The following TTC7B variants were observed in gnomAD, a reference collection of about 807,000 sequenced individuals.
The protein encoded by TTC7B is tetratricopeptide repeat domain 7B, also known as tetratricopeptide repeat protein 7B.
Under a neutral mutation model 106.8 loss-of-function variants are expected in TTC7B, and 28 were observed. That is an observed-to-expected ratio of 0.26 (90% CI 0.19 to 0.36). TTC7B has a LOEUF of 0.36. TTC7B is among the 10% of genes least tolerant of loss of function. TTC7B has a pLI of 1.00. For missense variants in TTC7B, 862 were observed against 1,076.4 expected (o/e 0.80, Z 2.79); for synonymous variants, 405 against 430.6 (o/e 0.94, Z 0.74).
Position 90,644,087 on chromosome 14 carries a change from A to C in TTC7B, c.1712T>G (p.Ile571Ser), listed in dbSNP as rs757729872. Reference sequence around the variant, plus strand: ...GTATTCACTCAGGGCCATGTCGATGATGTTCAGAGCGTCATGGTAATGCTT... The same window carrying C: ...GTATTCACTCAGGGCCATGTCGATGCTGTTCAGAGCGTCATGGTAATGCTT... ...AQKHYHDALN[I>S]IDMALSEYPE... Residue 571 changes from isoleucine (I) to serine (S), a missense_variant, in exon 15 of 20, where the codon ATC (isoleucine) becomes AGC (serine). Coordinates refer to ENST00000328459, the MANE Select transcript of TTC7B (RefSeq NM_001010854.2). 6.2e-7 allele frequency: 1 copy of C among 1,614,102 alleles called. No individual in the cohort carries two copies. Among genetic ancestry groups the C allele is most frequent in the Non-Finnish European group, 8.5e-7 (1 of 1,180,022 alleles).
At chr14:90,555,197 T>A (rs967920946) in intron 19 of TTC7B, among the ~76,000 whole-genome samples, 3 of 152,136 alleles carry the variant, frequency 2.0e-5, no homozygotes, top group Admixed American at 1.3e-4. Context: ...TCCCTGATGG[T>A]CAGCTGACCC....
In TTC7B at chr14:90,807,677, C is replaced by A. The variant is rs944956070; in HGVS notation, c.121+8498G>T. The stretch of plus-strand genomic sequence containing the variant: ...CATTGTGGTTCAGAGCAAAGGCTCC[C>A]ACACTTGCCTACTCAAACTAACTGA... On this transcript the variant is annotated intron_variant, in intron 1 of 19. Coordinates refer to ENST00000328459, the MANE Select transcript of TTC7B (RefSeq NM_001010854.2). This position sits in a 1 kb window ranked among gnomAD's most constrained non-coding sequence, Gnocchi z 4.1. Among the ~76,000 whole-genome samples, 5 of 152,228 alleles carry A rather than the reference C, an allele frequency of 3.3e-5. No individual in the cohort carries two copies. In the East Asian group the frequency reaches 9.6e-4, roughly 29 times the overall value.
At chr14:90,691,633 C>G (rs1343677098) in intron 6 of TTC7B, among the ~76,000 whole-genome samples, 1 of 152,174 alleles carries the variant, frequency 6.6e-6, no homozygotes, top group Non-Finnish European at 1.5e-5. Flanking sequence ...GAAATAAGAC[C>G]TGGATGTTTA....
intron 19 of TTC7B, among the ~76,000 whole-genome samples, chr14:90,574,234 C>T (rs937509177): frequency 2.6e-5 from 4 of 152,230 alleles, no homozygotes; most frequent in African/African-American, 4.8e-5. Context: ...TAACATAGCA[C>T]ACGAATAAAT....
chr14:90,578,243 G>A lies in TTC7B; in HGVS notation c.2173C>T (p.Leu725Phe). ...ATACTQEAAN[L>F]FPMSHNVLYM... ...AGGACATTGTGGGACATTGGGAAGA[G>A]GTTGGCAGCTTCTTGGGTACAGGCT... The change falls in exon 19 of 20, where the codon CTC becomes TTC. Residue 725 changes from leucine (L) to phenylalanine (F), a missense_variant. Physicochemically the swap from Leu to Phe is conservative, Grantham distance 22 (BLOSUM62 0). Transcript: ENST00000328459. This position sits in a 1 kb window ranked among gnomAD's most constrained non-coding sequence, Gnocchi z 4.7. 1 of 1,614,254 alleles carries A rather than the reference G, an allele frequency of 6.2e-7. No homozygotes were observed.
At chr14:90,619,808 C>T (rs1193060685) in intron 15 of TTC7B, among the ~76,000 whole-genome samples, 4 of 152,224 alleles carry the variant, frequency 2.6e-5, no homozygotes, top group Non-Finnish European at 5.9e-5. Context: ...GTAGCCTCAC[C>T]TCCAGTTCCA....
At chr14:90,541,689 G>GTTCA in intron 19 of TTC7B, 100 bp from the exon 20 acceptor site, 1 of 910,730 alleles carries the variant, frequency 1.1e-6, no homozygotes, top group Non-Finnish European at 1.6e-6. Context: ...CTCGGAGCCG[G>GTTCA]GAATATATCG....
chr14:90,691,194 T>C (rs1332643360), intron 6 of TTC7B, among the ~76,000 whole-genome samples: 1 of 152,094 alleles, frequency 6.6e-6, no homozygotes, highest in African/African-American at 2.4e-5. Context: ...GGAAAAAAAA[T>C]GAACGAGGAA....
intron 6 of TTC7B, among the ~76,000 whole-genome samples, chr14:90,691,931 T>C (rs1214206695): frequency 6.6e-6 from 1 of 152,188 alleles, no homozygotes; most frequent in Non-Finnish European, 1.5e-5. Flanking sequence ...GATTTGCCTA[T>C]TTTGGACATT....
At chr14:90,670,239 C>G (rs1200823734) in intron 9 of TTC7B, among the ~76,000 whole-genome samples, 2 of 152,162 alleles carry the variant, frequency 1.3e-5, no homozygotes, top group African/African-American at 4.8e-5. Context: ...CTAAGTGAAG[C>G]AAGCCAGACA....
Position 90,548,083 on chromosome 14 carries a change from C to T in TTC7B, c.2311-6494G>A, listed in dbSNP as rs188684728. 2.6e-3 allele frequency among the ~76,000 whole-genome samples: 392 copies of T among 152,328 alleles called. 1 individual carries two copies. The highest frequency in any genetic ancestry group is 4.5e-3 in the Non-Finnish European group (305 of 68,028). On this transcript the variant is annotated intron_variant, in intron 19 of 19. Transcript: ENST00000328459. ...CAGCAGCAGGGATGGAGGTGAACCACTCCAAGTGCTCTCTACGCCAGGGCA... is the reference window on the plus strand; with the variant it reads ...CAGCAGCAGGGATGGAGGTGAACCATTCCAAGTGCTCTCTACGCCAGGGCA...
intron 3 of TTC7B, among the ~76,000 whole-genome samples, chr14:90,776,535 G>A (rs1307188529): frequency 1.3e-5 from 2 of 152,182 alleles, no homozygotes. Flanking sequence ...TTCCCAGGGG[G>A]CTTCAGAGAA....
chr14:90,793,953 A>C (rs1891679246), intron 1 of TTC7B, among the ~76,000 whole-genome samples: 1 of 151,428 alleles, frequency 6.6e-6, no homozygotes, highest in African/African-American at 2.4e-5. Flanking sequence ...CCCAGGCTGG[A>C]GTGCAGTGGC....
intron 3 of TTC7B, among the ~76,000 whole-genome samples, chr14:90,780,365 G>T (rs1482097895): frequency 7.0e-6 from 1 of 142,926 alleles, no homozygotes; most frequent in African/African-American, 2.6e-5. Flanking sequence ...TGGGCAACAA[G>T]AGCAAAACTC....
chr14:90,686,993 A>AT (rs398057374), intron 7 of TTC7B, among the ~76,000 whole-genome samples: 20,438 of 140,620 alleles, frequency 0.15, 1,590 homozygotes, highest in Admixed American at 0.22. Context: ...CCAGCTGCCT[A>AT]TTTTTTTTTT....
chr14:90,547,187 G>A (rs968523463), intron 19 of TTC7B, among the ~76,000 whole-genome samples: 12 of 152,232 alleles, frequency 7.9e-5, no homozygotes, highest in African/African-American at 2.9e-4. Context: ...TCCCAAGCTG[G>A]TAATTATCAT....
chr14:90,609,419 G>A (rs1458897504), intron 17 of TTC7B, among the ~76,000 whole-genome samples: 1 of 152,242 alleles, frequency 6.6e-6, no homozygotes, highest in African/African-American at 2.4e-5. Context: ...GGGCAGAAAT[G>A]CAGTCTGCAA....
At chr14:90,542,606 C>T (rs897040864) in intron 19 of TTC7B, among the ~76,000 whole-genome samples, 15 of 152,156 alleles carry the variant, frequency 9.9e-5, no homozygotes, top group African/African-American at 3.6e-4. Context: ...CCAGAAAGCA[C>T]CTCTTTGTTC....
Position 90,531,622 on chromosome 14 carries a change from A to G in TTC7B, c.*9746T>C, listed in dbSNP as rs1889290704. 1 of 142,994 alleles carries G rather than the reference A, an allele frequency of 7.0e-6. No individual in the cohort carries two copies. Among genetic ancestry groups the G allele is most frequent in the African/African-American group, 2.8e-5 (1 of 35,666 alleles). 8.9% of individuals were successfully genotyped at this position (142,994 alleles called of 1,614,324 possible). On this transcript the variant is annotated 3_prime_UTR_variant, in exon 20 of 20. Coordinates refer to ENST00000328459, the MANE Select transcript of TTC7B (RefSeq NM_001010854.2). ...CAACAAGAGCGAAACTCCTTCTCAA[A>G]AAAAAAAAAAAAAAAAAAAAAGCCG...
Sources: allele counts gnomAD v4.1 joint callset (sites outside exome capture counted in the v4.1 genomes callset), GRCh38; gene constraint gnomAD v4.1.1; non-coding constraint Gnocchi (gnomAD v3.1); transcripts MANE v1.5; gene names NCBI Gene and HGNC (gene_info 2026-07-23, HGNC 2026-07-21).